Variants in IMMP2L observed in about 807,000 individuals in gnomAD.
IMMP2L encodes the protein mitochondrial inner membrane protease subunit 2.
Under a neutral mutation model 19.3 loss-of-function variants are expected in IMMP2L, and 18 were observed. That is an observed-to-expected ratio of 0.93 (90% CI 0.64 to 1.38). The LOEUF (loss-of-function observed/expected upper bound fraction) is 1.38, where lower values mean the gene tolerates loss of function less well. IMMP2L is among the 40% of genes most tolerant of loss of function. IMMP2L has a pLI of 0.00. For missense variants in IMMP2L, 233 were observed against 218.2 expected, an observed-to-expected ratio of 1.07 and a Z score of -0.43; for synonymous variants, 76 against 73.0, an observed-to-expected ratio of 1.04 and a Z score of -0.21.
At chr7:111,496,911 T>C (rs149727720) in intron 2 of IMMP2L, among the ~76,000 whole-genome samples, 1,692 of 152,212 alleles carry the variant, frequency 0.011, 43 homozygotes, top group African/African-American at 0.039. Flanking sequence ...GATAGATAGA[T>C]AGATAGATAG....
intron 3 of IMMP2L, among the ~76,000 whole-genome samples, chr7:111,263,451 A>C (rs1454289622): frequency 1.3e-5 from 2 of 152,134 alleles, no homozygotes; most frequent in African/African-American, 4.8e-5. Context: ...AAATGAGGAG[A>C]ACCATGGGAA....
At chr7:111,402,991 A>ACCCCCCCCCCCCCC (rs781654530) in intron 3 of IMMP2L, among the ~76,000 whole-genome samples, 6 of 45,506 alleles carry the variant, frequency 1.3e-4, no homozygotes, top group African/African-American at 4.4e-4. Context: ...TGCAGCCTTG[A>ACCCCCCCCCCCCCC]CCCCCCCCCC....
intron 3 of IMMP2L, chr7:111,411,487 G>A (rs1834425000): frequency 2.2e-6 from 1 of 464,368 alleles, no homozygotes; most frequent in African/African-American, 2.0e-5. Flanking sequence ...AGCACGGCAT[G>A]GGCTGTATTG....
intron 3 of IMMP2L, among the ~76,000 whole-genome samples, chr7:111,107,921 G>A (rs910111815): frequency 6.6e-6 from 1 of 152,096 alleles, no homozygotes; most frequent in South Asian, 2.1e-4. Context: ...CATAGATTTA[G>A]AGTTCTGCTG....
At chr7:111,454,620 T>C (rs6957337) in intron 3 of IMMP2L, among the ~76,000 whole-genome samples, 3,064 of 152,142 alleles carry the variant, frequency 0.02, 106 homozygotes, top group African/African-American at 0.07. Flanking sequence ...CTTCTTATAA[T>C]TTTTATAGTT....
At chr7:111,126,545 A>G (rs1801330017) in intron 3 of IMMP2L, among the ~76,000 whole-genome samples, 2 of 152,208 alleles carry the variant, frequency 1.3e-5, no homozygotes, top group South Asian at 4.1e-4. Flanking sequence ...CTCTAAAAAT[A>G]TATTTAAGGC....
chr7:111,158,525 T>C (rs1421273772), intron 3 of IMMP2L, among the ~76,000 whole-genome samples: 2 of 152,136 alleles, frequency 1.3e-5, no homozygotes, highest in African/African-American at 4.8e-5. Flanking sequence ...GAAAAACTGT[T>C]ATAAGATGCA....
chr7:111,329,520 A>G (rs1242525469), intron 3 of IMMP2L, among the ~76,000 whole-genome samples: 1 of 151,852 alleles, frequency 6.6e-6, no homozygotes, highest in Non-Finnish European at 1.5e-5. Context: ...TGCTAGAAAC[A>G]GAAAGAAACT....
At chr7:111,371,802 G>T (rs954906097) in intron 3 of IMMP2L, among the ~76,000 whole-genome samples, 6 of 151,924 alleles carry the variant, frequency 3.9e-5, no homozygotes, top group African/African-American at 1.4e-4. Context: ...ATTTAAATAG[G>T]CTCAGCTTAG....
At chr7:111,212,175 T>A (rs1811396505) in intron 3 of IMMP2L, among the ~76,000 whole-genome samples, 1 of 150,590 alleles carries the variant, frequency 6.6e-6, no homozygotes, top group African/African-American at 2.4e-5. Context: ...TATCTCTATC[T>A]CTCTCTCTCT....
chr7:111,021,354 G>A (rs1399983651), intron 3 of IMMP2L, among the ~76,000 whole-genome samples: 1 of 152,136 alleles, frequency 6.6e-6, no homozygotes, highest in Non-Finnish European at 1.5e-5. Context: ...TTGAAAGCAG[G>A]TATAAAACAT....
intron 5 of IMMP2L, among the ~76,000 whole-genome samples, chr7:110,830,997 C>T (rs376047613): frequency 1.2e-4 from 18 of 152,084 alleles, no homozygotes; most frequent in African/African-American, 3.9e-4. Flanking sequence ...TTCCCAAGGC[C>T]GAAATTAAAG....
At chr7:111,102,452 T>C (rs1798076604) in intron 3 of IMMP2L, among the ~76,000 whole-genome samples, 1 of 151,698 alleles carries the variant, frequency 6.6e-6, no homozygotes, top group South Asian at 2.1e-4. Flanking sequence ...TCAAGATGTC[T>C]CTTTAGATTG....
chr7:111,114,434 A>G (rs990326323), intron 3 of IMMP2L, among the ~76,000 whole-genome samples: 5 of 152,258 alleles, frequency 3.3e-5, no homozygotes, highest in Non-Finnish European at 7.4e-5. Context: ...CATTGTATTA[A>G]GTTTGCACAA....
chr7:111,010,339 A>G (rs773604249), intron 3 of IMMP2L, among the ~76,000 whole-genome samples: 1 of 152,136 alleles, frequency 6.6e-6, no homozygotes, highest in Non-Finnish European at 1.5e-5. Context: ...GTAACTCAAA[A>G]TTTGGTTTAA....
At chr7:111,126,399 A>G (rs1186362711) in intron 3 of IMMP2L, among the ~76,000 whole-genome samples, 1 of 152,188 alleles carries the variant, frequency 6.6e-6, no homozygotes, top group Non-Finnish European at 1.5e-5. Context: ...GCTCACTCCA[A>G]TATAAAAATG....
intron 1 of IMMP2L, among the ~76,000 whole-genome samples, chr7:111,548,263 T>A (rs1849123299): frequency 6.6e-6 from 1 of 152,144 alleles, no homozygotes; most frequent in African/African-American, 2.4e-5. Flanking sequence ...ATAAAGTTTG[T>A]TTGACTGCAT....
chr7:111,240,897 T>C (rs912201601), intron 3 of IMMP2L, among the ~76,000 whole-genome samples: 2 of 151,924 alleles, frequency 1.3e-5, no homozygotes, highest in African/African-American at 4.8e-5. Context: ...TCAGACCTAG[T>C]CAGGCCATGT....
At chr7:111,171,556 C>A (rs915215522) in intron 3 of IMMP2L, among the ~76,000 whole-genome samples, 2 of 151,092 alleles carry the variant, frequency 1.3e-5, no homozygotes, top group African/African-American at 4.9e-5. Context: ...GAAAACATGG[C>A]AAAAAGAACA....
Sources: gnomAD v4.1 joint callset for allele counts (sites outside exome capture counted in the v4.1 genomes callset) on GRCh38, gnomAD v4.1.1 for gene constraint, MANE v1.5 for transcripts, NCBI Gene and HGNC (gene_info 2026-07-23, HGNC 2026-07-21) for gene names.